The following ABCB10 variants were observed in gnomAD, a reference collection of about 807,000 sequenced individuals.
The protein encoded by ABCB10 is ATP-binding cassette sub-family B member 10, mitochondrial.
ABCB10 carries 54 observed loss-of-function variants against 65.4 expected under a neutral mutation model. That is an observed-to-expected ratio of 0.83 (90% CI 0.66 to 1.04). The LOEUF is 1.04. Ranked by LOEUF, ABCB10 falls within the 50% of genes least tolerant of loss-of-function variation. The pLI, the probability that ABCB10 is intolerant of heterozygous loss-of-function variation, is 0.00. For missense variants in ABCB10, 846 were observed against 976.6 expected, an observed-to-expected ratio of 0.87 and a Z score of 1.78; for synonymous variants, 418 against 406.5, an observed-to-expected ratio of 1.03 and a Z score of -0.34.
chr1:229,542,467 CTGTG>C (rs138177567), intron 3 of ABCB10, 96 bp from the exon 4 acceptor site: 44 of 1,399,004 alleles, frequency 3.1e-5, no homozygotes, highest in Admixed American at 4.4e-5. Flanking sequence ...GTGGGTGTGT[CTGTG>C]TGTGTGTGTG....
At position 229,540,678 on chromosome 1, in the gene ABCB10, A is replaced by G. The variant is rs1662822538; in HGVS notation, c.1131T>C (p.Tyr377=). The change falls in exon 5 of 13, where the codon TAT becomes TAC. Residue 377 remains tyrosine, a synonymous_variant. Coordinates refer to ENST00000344517, the MANE Select transcript of ABCB10 (RefSeq NM_012089.3). ...GCATTACATGGTCCACTTTGCTGGCATATTTCTCGATTTCAGTCATTTCTT... is the reference window on the plus strand; with the variant it reads ...GCATTACATGGTCCACTTTGCTGGCGTATTTCTCGATTTCAGTCATTTCTT... ...FGKEMTEIEK[Y]ASKVDHVMQL... 1.2e-6 allele frequency: 2 copies of G among 1,613,162 alleles called. No individual in the cohort carries two copies. Among genetic ancestry groups the G allele is most frequent in the Non-Finnish European group, 8.5e-7 (1 of 1,180,024 alleles).
At chr1:229,538,861 C>T (rs1407696561) in intron 6 of ABCB10, among the ~76,000 whole-genome samples, 1 of 152,138 alleles carries the variant, frequency 6.6e-6, no homozygotes, top group African/African-American at 2.4e-5. Flanking sequence ...AAACAAAAAC[C>T]AGGAAATCAT....
intron 12 of ABCB10, 26 bp downstream of exon 12, chr1:229,518,815 G>A (rs747697196): frequency 1.3e-6 from 2 of 1,570,514 alleles, no homozygotes; most frequent in Admixed American, 1.9e-5. Flanking sequence ...TACACACAAT[G>A]GCATATATTA....
chr1:229,558,109 G>T, intron 1 of ABCB10, 27 bp downstream of exon 1: 1 of 1,337,512 alleles, frequency 7.5e-7, no homozygotes, highest in African/African-American at 1.5e-5. Flanking sequence ...AGGCCCGGCG[G>T]AGGGAAGTGG....
chr1:229,527,929 AG>A (rs1294128403), intron 8 of ABCB10, among the ~76,000 whole-genome samples: 1 of 152,226 alleles, frequency 6.6e-6, no homozygotes, highest in African/African-American at 2.4e-5. Flanking sequence ...TAATAAGCTT[AG>A]TTGGTGAGGA....
chr1:229,551,235 TAA>T (rs1359086747), intron 1 of ABCB10, among the ~76,000 whole-genome samples: 2 of 152,164 alleles, frequency 1.3e-5, no homozygotes, highest in African/African-American at 4.8e-5. Context: ...AAGGTCTTTA[TAA>T]AGTCCCCTCC....
rs565786013 is a variant in ABCB10 at position 229,553,460 on chromosome 1, C to T, written c.518-4026G>A. Among the ~76,000 whole-genome samples, 9 of 152,156 alleles carry T rather than the reference C, an allele frequency of 5.9e-5. No individual in the cohort carries two copies. In the South Asian group the frequency reaches 1.5e-3, roughly 25 times the overall value. On this transcript the variant is annotated intron_variant, in intron 1 of 12. Coordinates refer to ENST00000344517, the MANE Select transcript of ABCB10 (RefSeq NM_012089.3). ...TCTGGCTACAGAGCGAAAGGAGCAG[C>T]GGACAGAGCACTGTTCTAGTGCCCT...
intron 10 of ABCB10, among the ~76,000 whole-genome samples, chr1:229,524,870 T>C (rs1460978901): frequency 6.6e-6 from 1 of 152,154 alleles, no homozygotes; most frequent in Non-Finnish European, 1.5e-5. Context: ...TTTTTTTTTT[T>C]TGGGACAGAG....
intron 3 of ABCB10, among the ~76,000 whole-genome samples, chr1:229,544,713 A>G (rs1488590733): frequency 6.6e-6 from 1 of 152,188 alleles, no homozygotes. Context: ...CCATGGCTGT[A>G]TTTGGAGATG....
chr1:229,543,844 C>G (rs886687893), intron 3 of ABCB10, among the ~76,000 whole-genome samples: 4 of 152,258 alleles, frequency 2.6e-5, no homozygotes, highest in Admixed American at 2.6e-4. Context: ...CATCAGGACA[C>G]CTGGGGTGAG....
At chr1:229,534,403 T>C (rs942234315) in intron 6 of ABCB10, among the ~76,000 whole-genome samples, 5 of 151,958 alleles carry the variant, frequency 3.3e-5, no homozygotes, top group African/African-American at 9.7e-5. Flanking sequence ...AAGAAAAAAA[T>C]TCATTCGGTC....
At chr1:229,549,589 C>T (rs1663057687) in intron 1 of ABCB10, among the ~76,000 whole-genome samples, 155 bp from the exon 2 acceptor site, 1 of 152,166 alleles carries the variant, frequency 6.6e-6, no homozygotes, top group Non-Finnish European at 1.5e-5. Context: ...CGATCTCTGA[C>T]TCAAGGGAAG....
intron 6 of ABCB10, chr1:229,535,092 C>T (rs930323820): frequency 2.3e-5 from 3 of 128,516 alleles, no homozygotes; most frequent in African/African-American, 5.9e-5. Context: ...GACTACATTG[C>T]AAGTCATCAC....
In ABCB10 at chr1:229,549,188, C is replaced by A. The variant is rs182603336; in HGVS notation, c.718+46G>T. On this transcript the variant is annotated intron_variant, in intron 2 of 12. Coordinates refer to ENST00000344517, the MANE Select transcript of ABCB10 (RefSeq NM_012089.3). ...GCCCGAACAAACCCACAGGACTCTA[C>A]ATCTTCTTCAGGATGACTCACATCC... The A allele has an allele frequency of 2.2e-4, 359 of 1,606,568 alleles. No homozygotes were observed. The East Asian group carries it at 7.2e-3, about 32-fold the overall frequency.
chr1:229,535,952 C>T (rs1662709998), intron 6 of ABCB10, among the ~76,000 whole-genome samples: 1 of 152,058 alleles, frequency 6.6e-6, no homozygotes, highest in Admixed American at 6.6e-5. Context: ...TCTCGAACTC[C>T]TGGTCTCAAG....
chr1:229,546,992 A>G (rs1662983238), intron 3 of ABCB10, among the ~76,000 whole-genome samples: 1 of 152,200 alleles, frequency 6.6e-6, no homozygotes, highest in Non-Finnish European at 1.5e-5. Context: ...TGCCTCTCCA[A>G]TGACCTGCAG....
In ABCB10 at chr1:229,521,484, A is replaced by C. The variant is rs4148762; in HGVS notation, c.1950+108T>G. Reference sequence around the variant, plus strand: ...CCCTCCCACTCCAAGAAAAAAAAAAAAACAAAAAACAGGAAAAGGAAGAAG... The same window carrying C: ...CCCTCCCACTCCAAGAAAAAAAAAACAACAAAAAACAGGAAAAGGAAGAAG... On this transcript the variant is annotated intron_variant, in intron 11 of 12. Transcript: ENST00000344517. 541 of 1,399,460 alleles carry C rather than the reference A, an allele frequency of 3.9e-4. 2 individuals are homozygous for C. The highest frequency in any genetic ancestry group is 3.0e-4 in the South Asian group (23 of 77,392). The allele number at this position is 1,399,460 out of a possible 1,614,324, so 86.7% of individuals were successfully genotyped here. A position where few individuals can be genotyped will look rare whatever the true frequency, so the allele number is the denominator to read the frequency against.
intron 11 of ABCB10, 174 bp from the exon 12 acceptor site, chr1:229,519,049 T>C: frequency 2.0e-6 from 1 of 493,774 alleles, no homozygotes; most frequent in Non-Finnish European, 3.5e-6. Flanking sequence ...TGAGTTCACT[T>C]ATATGAAATG....
At chr1:229,551,642 G>A (rs1354529258) in intron 1 of ABCB10, among the ~76,000 whole-genome samples, 2 of 152,204 alleles carry the variant, frequency 1.3e-5, no homozygotes, top group Non-Finnish European at 2.9e-5. Context: ...AGGAAGCTGG[G>A]CAAGGGTCAC....
Sources: allele counts gnomAD v4.1 joint callset (sites outside exome capture counted in the v4.1 genomes callset), GRCh38; gene constraint gnomAD v4.1.1; transcripts MANE v1.5; gene names NCBI Gene and HGNC (gene_info 2026-07-23, HGNC 2026-07-21).